Variants in DAGLA observed in about 807,000 individuals in gnomAD.
DAGLA encodes diacylglycerol lipase alpha, also known as diacylglycerol lipase-alpha.
Under a neutral mutation model 102.6 loss-of-function variants are expected in DAGLA, and 22 were observed. The ratio of observed to expected loss-of-function variants is 0.21; its 90% CI spans 0.15 to 0.31. DAGLA has a LOEUF of 0.31. Ranked by LOEUF, DAGLA falls within the 10% of genes least tolerant of loss-of-function variation. The probability of loss-of-function intolerance (pLI) is 1.00; values close to 1 mark genes in which losing one functional copy is unlikely to be tolerated. For missense variants in DAGLA, 927 were observed against 1,446.6 expected (o/e 0.64, Z 5.83); for synonymous variants, 578 against 628.9 (o/e 0.92, Z 1.21).
At chr11:61,738,837 C>T (rs918285801) in intron 16 of DAGLA, among the ~76,000 whole-genome samples, 2 of 152,172 alleles carry the variant, frequency 1.3e-5, no homozygotes, top group Non-Finnish European at 2.9e-5. Flanking sequence ...TGCCCCCCGC[C>T]CCCTGCCCCG....
chr11:61,743,180 T>C (rs1203856194), intron 19 of DAGLA, among the ~76,000 whole-genome samples: 1 of 151,956 alleles, frequency 6.6e-6, no homozygotes, highest in Non-Finnish European at 1.5e-5. Flanking sequence ...CTGGCTAACA[T>C]GGTGAAACCC....
In DAGLA at chr11:61,720,829, C is replaced by T. The variant is rs201994401; in HGVS notation, c.246C>T (p.Arg82=). The part of the protein sequence containing the change: ...AEMAIIWLSM[R]GGILYTEPRD... ...TGGCCATCATCTGGCTGAGCATGCG[C>T]GGGGGCATCCTCTACACGGAGCCCC... The change falls in exon 3 of 20, where the codon CGC becomes CGT. Residue 82 remains arginine, a synonymous_variant. Transcript: ENST00000257215. 38 of 1,613,568 alleles carry T rather than the reference C, an allele frequency of 2.4e-5. No homozygotes were observed. Among genetic ancestry groups the T allele is most frequent in the Middle Eastern group, 3.3e-4 (2 of 6,016 alleles).
chr11:61,724,075 A>C (rs1330111589), intron 5 of DAGLA, among the ~76,000 whole-genome samples: 1 of 152,190 alleles, frequency 6.6e-6, no homozygotes, highest in Non-Finnish European at 1.5e-5. Context: ...CTGGCCTTAG[A>C]GTCCTCGCTT....
chr11:61,730,110 C>T (rs1320344524), intron 8 of DAGLA, among the ~76,000 whole-genome samples: 4 of 151,942 alleles, frequency 2.6e-5, no homozygotes, highest in Admixed American at 2.6e-4. Flanking sequence ...AGCCTCAGTC[C>T]TCCCTGCCTG....
chr11:61,707,202 A>G (rs1029377147), intron 1 of DAGLA, among the ~76,000 whole-genome samples: 1 of 152,018 alleles, frequency 6.6e-6, no homozygotes, highest in African/African-American at 2.4e-5. Flanking sequence ...CCCCAGCTCC[A>G]CCTCCCACCA....
At chr11:61,739,812 G>GAGTTC (rs2065461721) in intron 17 of DAGLA, 151 bp downstream of exon 17, 1 of 777,078 alleles carries the variant, frequency 1.3e-6, no homozygotes, top group South Asian at 1.8e-5. Context: ...GGTTTCCCCA[G>GAGTTC]CATCGGGCTC....
intron 3 of DAGLA, among the ~76,000 whole-genome samples, chr11:61,721,985 A>C (rs1045745746): frequency 6.6e-6 from 1 of 152,240 alleles, no homozygotes; most frequent in Non-Finnish European, 1.5e-5. Flanking sequence ...CCATGAGGCC[A>C]GCAGATCTCC....
chr11:61,725,862 TCC>T (rs1156375184), intron 5 of DAGLA, 131 bp from the exon 6 acceptor site: 1 of 801,962 alleles, frequency 1.2e-6, no homozygotes, highest in Non-Finnish European at 2.1e-6. Context: ...GGCCCTGTTC[TCC>T]CCCAGAACCC....
At chr11:61,728,786 A>G (rs1466658714) in intron 7 of DAGLA, 145 bp from the exon 8 acceptor site, 4 of 673,856 alleles carry the variant, frequency 5.9e-6, no homozygotes, top group South Asian at 3.7e-5. Flanking sequence ...AAGTGGCTGA[A>G]TCTTGGAAGA....
chr11:61,685,940 G>A (rs568663397), intron 1 of DAGLA, among the ~76,000 whole-genome samples: 1 of 152,294 alleles, frequency 6.6e-6, no homozygotes, highest in South Asian at 2.1e-4. Context: ...TGGGTCCCCA[G>A]GAGCCATGAT....
Position 61,722,952 on chromosome 11 carries a change from T to C in DAGLA, c.401T>C (p.Val134Ala), listed in dbSNP as rs2065296579. 6.2e-7 allele frequency: 1 copy of C among 1,613,526 alleles called. No individual in the cohort carries two copies. ...TGCAACGACCTCACTGCCAAGAATG[T>C]CACCCTCGGTACGTCTGGGTGAGGC... is the stretch of plus-strand genomic sequence containing the variant. ...TSCNDLTAKNVTLGMVVCNWV... is the reference protein window; with the variant it reads ...TSCNDLTAKNATLGMVVCNWV... The change falls in exon 4 of 20, where the codon GTC becomes GCC. Residue 134 changes from valine (V) to alanine (A), a missense_variant. Physicochemically the swap from Val to Ala is moderately conservative, Grantham distance 64 (BLOSUM62 0). Around this residue, in one of 4 missense-constraint regions of DAGLA, gnomAD observed 231 missense variants for 439.8 expected, o/e 0.53. Transcript: ENST00000257215.
chr11:61,737,114 T>C (rs2065429379), intron 13 of DAGLA, 68 bp from the exon 14 acceptor site: 1 of 1,602,066 alleles, frequency 6.2e-7, no homozygotes, highest in Admixed American at 1.7e-5. Context: ...TCTGCCTCCC[T>C]TGGGTTGGCT....
Position 61,701,387 on chromosome 11 carries a change from C to T in DAGLA, c.-44-18725C>T, listed in dbSNP as rs115836635. ...CCAGCCCTACTGCATGCCTGCTGCC[C>T]GCCTCTCCCTCTGCTCTAGGTAGGG... On this transcript the variant is annotated intron_variant, in intron 1 of 19. Coordinates refer to ENST00000257215, the MANE Select transcript of DAGLA (RefSeq NM_006133.3). Among the ~76,000 whole-genome samples, 232 of 152,288 alleles carry T rather than the reference C, an allele frequency of 1.5e-3. 3 individuals carry two copies. The highest frequency in any genetic ancestry group is 5.3e-3 in the African/African-American group (222 of 41,566).
intron 1 of DAGLA, among the ~76,000 whole-genome samples, chr11:61,693,959 T>A (rs997876873): frequency 6.6e-6 from 1 of 152,256 alleles, no homozygotes; most frequent in Non-Finnish European, 1.5e-5. Context: ...AGCCCCCAGC[T>A]TGCAAACCTC....
intron 1 of DAGLA, among the ~76,000 whole-genome samples, chr11:61,709,686 G>A (rs907385820): frequency 6.6e-6 from 1 of 152,042 alleles, no homozygotes; most frequent in African/African-American, 2.4e-5. Flanking sequence ...GTGGTGGCAG[G>A]TGCCACCTCC....
Position 61,738,041 on chromosome 11 carries a change from G to C in DAGLA, c.1584-94G>C, listed in dbSNP as rs772960040. On this transcript the variant is annotated intron_variant, in intron 15 of 19. Coordinates refer to ENST00000257215, the MANE Select transcript of DAGLA (RefSeq NM_006133.3). ...GCTGACGTGTCTTCTTGTTCCAGGG[G>C]CTAGGCGTGTGCCTGCCCCTCCGCC... 57 of 995,230 alleles carry C rather than the reference G, an allele frequency of 5.7e-5. No individual in the cohort carries two copies. In the African/African-American group the frequency reaches 8.7e-4, roughly 15 times the overall value. 61.6% of individuals were successfully genotyped at this position (995,230 alleles called of 1,614,324 possible).
intron 1 of DAGLA, among the ~76,000 whole-genome samples, chr11:61,710,773 C>T (rs764178362): frequency 1.8e-4 from 27 of 152,164 alleles, no homozygotes; most frequent in Admixed American, 7.9e-4. Context: ...AAAGGTTCTG[C>T]GCACACTGGG....
chr11:61,690,117 G>A (rs1162134920), intron 1 of DAGLA, among the ~76,000 whole-genome samples: 1 of 152,098 alleles, frequency 6.6e-6, no homozygotes, highest in Non-Finnish European at 1.5e-5. Context: ...GTCAGCCCCA[G>A]TGCACCCCCA....
chr11:61,713,349 G>A (rs1380035094), intron 1 of DAGLA, among the ~76,000 whole-genome samples: 1 of 152,238 alleles, frequency 6.6e-6, no homozygotes, highest in Non-Finnish European at 1.5e-5. Context: ...TGTCAAATAA[G>A]GGGAAGGGTA....
Sources: gnomAD v4.1 joint callset for allele counts (sites outside exome capture counted in the v4.1 genomes callset) on GRCh38, gnomAD v4.1.1 for gene constraint, gnomAD v4.1.1 regional missense constraint, MANE v1.5 for transcripts, NCBI Gene and HGNC (gene_info 2026-07-23, HGNC 2026-07-21) for gene names.